Variants in RBFOX3 observed in about 807,000 individuals in gnomAD.
The protein encoded by RBFOX3 is RNA binding fox-1 homolog 3, also known as RNA binding protein fox-1 homolog 3.
RBFOX3 carries 17 observed loss-of-function variants against 48.7 expected under a neutral mutation model. That is an observed-to-expected ratio of 0.35 (90% confidence interval 0.24 to 0.52). The LOEUF (loss-of-function observed/expected upper bound fraction) is 0.52. Ranked by LOEUF, RBFOX3 falls within the 20% of genes least tolerant of loss-of-function variation. The pLI is 0.94. For missense variants in RBFOX3, 382 were observed against 497.5 expected, an observed-to-expected ratio of 0.77 and a Z score of 2.21; for synonymous variants, 212 against 209.5, an observed-to-expected ratio of 1.01 and a Z score of -0.10.
At chr17:79,417,032 C>T (rs1490982165) in intron 2 of RBFOX3, among the ~76,000 whole-genome samples, 1 of 152,190 alleles carries the variant, frequency 6.6e-6, no homozygotes, top group Non-Finnish European at 1.5e-5. Context: ...AGTGGAAAGG[C>T]GGCCCCACCC....
intron 1 of RBFOX3, among the ~76,000 whole-genome samples, chr17:79,540,756 T>C (rs1309598558): frequency 5.3e-5 from 8 of 152,186 alleles, no homozygotes; most frequent in African/African-American, 1.4e-4. Flanking sequence ...AGTGCCCCCA[T>C]CTGTAAAAGT....
chr17:79,106,669 G>T lies in RBFOX3; in HGVS notation c.342C>A (p.Asp114Glu). ...SNIPFRFRDPDLRQMFGQFGK... is the reference protein window; with the variant it reads ...SNIPFRFRDPELRQMFGQFGK... The stretch of plus-strand genomic sequence containing the variant: ...CACTCACCCCGAACATTTGCCGCAA[G>T]TCGGGGTCCCTGAACCGGAAGGGGA... Residue 114 changes from aspartate to glutamate, a missense_variant, in exon 6 of 15, where the codon GAC (aspartate) becomes GAA (glutamate). Coordinates refer to ENST00000693108, the MANE Select transcript of RBFOX3 (RefSeq NM_001350451.2). 1 of 1,484,248 alleles carries T rather than the reference G, an allele frequency of 6.7e-7. No homozygotes were observed. Among genetic ancestry groups the T allele is most frequent in the East Asian group, 2.8e-5 (1 of 35,584 alleles). The allele number at this position is 1,484,248 out of a possible 1,614,324, so 91.9% of individuals were successfully genotyped here.
At chr17:79,376,071 T>G (rs1481157752) in intron 2 of RBFOX3, among the ~76,000 whole-genome samples, 2 of 152,130 alleles carry the variant, frequency 1.3e-5, no homozygotes, top group Non-Finnish European at 2.9e-5. Context: ...CATGCCCAGA[T>G]GTGGAGTCTG....
intron 2 of RBFOX3, among the ~76,000 whole-genome samples, chr17:79,316,703 A>G (rs1275091403): frequency 3.9e-5 from 6 of 152,252 alleles, no homozygotes; most frequent in African/African-American, 1.4e-4. Context: ...CATTCCAGTG[A>G]CAGTTTCCAC....
At chr17:79,194,753 G>GGTGT (rs56182116) in intron 4 of RBFOX3, among the ~76,000 whole-genome samples, 6 of 149,122 alleles carry the variant, frequency 4.0e-5, no homozygotes, top group Middle Eastern at 6.9e-3. Context: ...TGTGTGTGTG[G>GGTGT]GTGTGTGTGT....
chr17:79,342,022 C>T (rs943642704), intron 2 of RBFOX3, among the ~76,000 whole-genome samples: 12 of 152,260 alleles, frequency 7.9e-5, no homozygotes, highest in Non-Finnish European at 1.8e-4. Context: ...CGGCCCCCTC[C>T]CAGCCTCCCT....
intron 1 of RBFOX3, among the ~76,000 whole-genome samples, chr17:79,604,207 C>T (rs1439219001): frequency 2.0e-5 from 3 of 152,220 alleles, no homozygotes; most frequent in Admixed American, 6.5e-5. Context: ...AGGAAACTAA[C>T]TGAGTGAAGA....
intron 1 of RBFOX3, among the ~76,000 whole-genome samples, chr17:79,530,495 C>A (rs964578055): frequency 1.3e-5 from 2 of 152,158 alleles, no homozygotes; most frequent in Admixed American, 6.5e-5. Flanking sequence ...CCGGGGCCAA[C>A]TGATGGTAGT....
chr17:79,104,221 T>C (rs2076960068), intron 6 of RBFOX3, 95 bp from the exon 7 acceptor site: 6 of 1,112,232 alleles, frequency 5.4e-6, no homozygotes, highest in Non-Finnish European at 8.0e-6. Context: ...GAGACGCTCA[T>C]GCCTGTGCTC....
chr17:79,330,888 C>T (rs2080175362), intron 2 of RBFOX3, among the ~76,000 whole-genome samples: 1 of 152,220 alleles, frequency 6.6e-6, no homozygotes, highest in Non-Finnish European at 1.5e-5. Flanking sequence ...AGGGCTCTGA[C>T]AGCCTGGGGC....
chr17:79,509,534 G>GT (rs1317170204), intron 1 of RBFOX3, among the ~76,000 whole-genome samples: 12 of 152,154 alleles, frequency 7.9e-5, no homozygotes, highest in African/African-American at 2.9e-4. Flanking sequence ...CACTTGTATC[G>GT]TAACAGCGTT....
chr17:79,247,613 C>T (rs1239871039), intron 3 of RBFOX3, among the ~76,000 whole-genome samples: 2 of 152,080 alleles, frequency 1.3e-5, no homozygotes, highest in African/African-American at 4.8e-5. Context: ...CATCTGGCCC[C>T]CATGTTGTTT....
At chr17:79,409,742 G>A (rs539380768) in intron 2 of RBFOX3, among the ~76,000 whole-genome samples, 42 of 152,322 alleles carry the variant, frequency 2.8e-4, no homozygotes, top group African/African-American at 8.9e-4. Flanking sequence ...CCCACAGAGC[G>A]GGCAGGCAGG....
At chr17:79,210,351 G>A (rs185586437) in intron 4 of RBFOX3, among the ~76,000 whole-genome samples, 67 of 152,290 alleles carry the variant, frequency 4.4e-4, no homozygotes, top group Non-Finnish European at 2.5e-4. Flanking sequence ...ATCTCCATGC[G>A]GTTATAGTTT....
chr17:79,444,118 G>A (rs1598726523), intron 2 of RBFOX3, among the ~76,000 whole-genome samples: 1 of 152,200 alleles, frequency 6.6e-6, no homozygotes, highest in South Asian at 2.1e-4. Context: ...GGGACAGAAT[G>A]TGGGAAGGAT....
At chr17:79,168,512 C>T (rs904623903) in intron 4 of RBFOX3, among the ~76,000 whole-genome samples, 41 of 152,256 alleles carry the variant, frequency 2.7e-4, no homozygotes, top group African/African-American at 8.7e-4. Context: ...CACGGCCGCC[C>T]TATGTCCTGT....
At chr17:79,558,935 G>A (rs1868811710) in intron 1 of RBFOX3, among the ~76,000 whole-genome samples, 3 of 152,100 alleles carry the variant, frequency 2.0e-5, no homozygotes, top group South Asian at 2.1e-4. Flanking sequence ...GTGGGCAGGT[G>A]CCCTCACATA....
chr17:79,390,898 G>A lies in RBFOX3; in HGVS notation c.-174-83074C>T, dbSNP rs1289915361. Among the ~76,000 whole-genome samples the A allele has an allele frequency of 6.6e-6, 1 of 152,156 alleles. No homozygotes were observed. Among genetic ancestry groups the A allele is most frequent in the East Asian group, 1.9e-4 (1 of 5,180 alleles). ...ACACCTCGGGATGAGCCCCTGGTGG[G>A]ACTGCTCGGGTGCCGGCAGGGAGTT... On this transcript the variant is annotated intron_variant, in intron 2 of 14. Transcript: ENST00000693108. This position sits in a 1 kb window ranked among gnomAD's most constrained non-coding sequence, Gnocchi z 4.2.
intron 4 of RBFOX3, among the ~76,000 whole-genome samples, chr17:79,121,214 T>TCACCTGTACACTAGAAAC (rs1436441135): frequency 1.3e-5 from 2 of 152,008 alleles, no homozygotes; most frequent in Non-Finnish European, 2.9e-5. Flanking sequence ...ACCAACCACG[T>TCACCTGTACACTAGAAAC]CACCTGTACA....
Sources: allele counts gnomAD v4.1 joint callset (sites outside exome capture counted in the v4.1 genomes callset), GRCh38; gene constraint gnomAD v4.1.1; non-coding constraint Gnocchi (gnomAD v3.1); transcripts MANE v1.5; gene names NCBI Gene and HGNC (gene_info 2026-07-23, HGNC 2026-07-21).